The following TARBP1 variants were observed in gnomAD, a reference collection of about 807,000 sequenced individuals.
The protein encoded by TARBP1 is tRNA (guanosine(18)-2'-O)-methyltransferase TARBP1.
In TARBP1, 144 loss-of-function variants were observed where a neutral mutation model predicts 178.6. The observed-to-expected ratio is 0.81, with a 90% confidence interval of 0.70 to 0.93. TARBP1 has a LOEUF of 0.93. Among genes scored for constraint, TARBP1 ranks in the 40% least tolerant of loss-of-function variants. The pLI is 0.00. For synonymous variants in TARBP1, 787 were observed against 781.0 expected (o/e 1.01, Z -0.13); for missense variants, 2,067 against 2,011.7 (o/e 1.03, Z -0.53).
chr1:234,395,725 T>C (rs773522923), intron 26 of TARBP1, among the ~76,000 whole-genome samples: 9 of 152,152 alleles, frequency 5.9e-5, no homozygotes, highest in African/African-American at 1.9e-4. Context: ...GGGACATTAA[T>C]AAATGTGTTC....
At chr1:234,406,355 A>C (rs1661243090) in intron 23 of TARBP1, 2 of 470,846 alleles carry the variant, frequency 4.2e-6, no homozygotes, top group Non-Finnish European at 3.8e-6. Context: ...CCCGCCCCCC[A>C]TACTCTAGTA....
chr1:234,405,178 T>C (rs1661086015), intron 24 of TARBP1: 1 of 152,144 alleles, frequency 6.6e-6, no homozygotes, highest in Admixed American at 6.5e-5. Context: ...GAAAAATCTT[T>C]TATGTTGGTT....
chr1:234,422,543 A>C (rs1477716766), intron 20 of TARBP1, among the ~76,000 whole-genome samples: 1 of 152,142 alleles, frequency 6.6e-6, no homozygotes, highest in African/African-American at 2.4e-5. Context: ...AAAACAATTG[A>C]ACTCATGGAG....
chr1:234,433,110 C>A lies in TARBP1; in HGVS notation c.2394+300G>T, dbSNP rs943963422. Reference sequence around the variant, plus strand: ...AAAATTAGCCAGCCATGGTGGCACACACCTGTAATCCCAGCTACTCAGGAG... The same window carrying A: ...AAAATTAGCCAGCCATGGTGGCACAAACCTGTAATCCCAGCTACTCAGGAG... On this transcript the variant is annotated intron_variant, in intron 14 of 29. Coordinates refer to ENST00000040877, the MANE Select transcript of TARBP1 (RefSeq NM_005646.4). 3.0e-4 allele frequency among the ~76,000 whole-genome samples: 45 copies of A among 152,266 alleles called. 1 individual carries two copies. Among genetic ancestry groups the A allele is most frequent in the Middle Eastern group, 3.4e-3 (1 of 294 alleles).
In TARBP1 at chr1:234,405,921, T is replaced by C; in HGVS notation, c.3971A>G (p.Glu1324Gly). 1 of 1,614,080 alleles carries C rather than the reference T, an allele frequency of 6.2e-7. No individual in the cohort carries two copies. Among genetic ancestry groups the C allele is most frequent in the Non-Finnish European group, 8.5e-7 (1 of 1,179,970 alleles). Reference sequence around the variant, plus strand: ...TCCTTACCCTGCTCCGTGCATGCTTTCCACTTGATGGAGGCTGGATTCAAT... The same window carrying C: ...TCCTTACCCTGCTCCGTGCATGCTTCCCACTTGATGGAGGCTGGATTCAAT... ...PVIESSLHQV[E>G]SMHGAGNAKK... Residue 1324 changes from glutamate (E) to glycine (G), a missense_variant, in exon 24 of 30, where the codon GAA becomes GGA. By Grantham distance (98) the Glu-to-Gly change is moderately conservative. Coordinates refer to ENST00000040877, the MANE Select transcript of TARBP1 (RefSeq NM_005646.4).
chr1:234,462,834 C>A lies in TARBP1; in HGVS notation c.1399+1003G>T, dbSNP rs966615618. ...ATACAGACCATATTTTCCCTTTTTTCTGACGTTTGAATAGACATTACCATT... is the reference window on the plus strand; with the variant it reads ...ATACAGACCATATTTTCCCTTTTTTATGACGTTTGAATAGACATTACCATT... On this transcript the variant is annotated intron_variant, in intron 6 of 29. Coordinates refer to ENST00000040877, the MANE Select transcript of TARBP1 (RefSeq NM_005646.4). 2.0e-5 allele frequency among the ~76,000 whole-genome samples: 3 copies of A among 151,772 alleles called. No individual in the cohort carries two copies. In the East Asian group the frequency reaches 5.8e-4, roughly 29 times the overall value.
chr1:234,430,651 C>T (rs961463594), intron 14 of TARBP1, among the ~76,000 whole-genome samples: 1 of 152,118 alleles, frequency 6.6e-6, no homozygotes, highest in Non-Finnish European at 1.5e-5. Context: ...TTCTCCTACT[C>T]GCATACACAT....
chr1:234,401,842 C>CT (rs921568003), intron 24 of TARBP1, among the ~76,000 whole-genome samples: 2 of 152,158 alleles, frequency 1.3e-5, no homozygotes, highest in African/African-American at 2.4e-5. Flanking sequence ...AACCCTCTCA[C>CT]TATCAGCAGA....
chr1:234,478,373 G>A lies in TARBP1; in HGVS notation c.731C>T (p.Pro244Leu), dbSNP rs1669783332. ...CGCGCCGCGGGCGCGGTCGCCGCCG[G>A]GCTCGGGCAACAGCTTCTCGGCCAG... ...SALAEKLLPE[P>L]GGDRARGARE... The change falls in exon 1 of 30, where the codon CCC becomes CTC. Residue 244 changes from proline (P) to leucine (L), a missense_variant. Coordinates refer to ENST00000040877, the MANE Select transcript of TARBP1 (RefSeq NM_005646.4). 4 of 1,303,048 alleles carry A rather than the reference G, an allele frequency of 3.1e-6. No individual in the cohort carries two copies. Among genetic ancestry groups the A allele is most frequent in the Non-Finnish European group, 2.9e-6 (3 of 1,025,690 alleles). 80.7% of individuals were successfully genotyped at this position (1,303,048 alleles called of 1,614,324 possible).
rs1304071303 is a variant in TARBP1, at chr1:234,479,178, C to T, written c.-75G>A. On this transcript the variant is annotated 5_prime_UTR_variant, in exon 1 of 30. Coordinates refer to ENST00000040877, the MANE Select transcript of TARBP1 (RefSeq NM_005646.4). ...CGTGTGCGATGCGTGCGCACAGGACCGGCCGGCCCCTACGTGCGCGTGCGC... is the reference window on the plus strand; with the variant it reads ...CGTGTGCGATGCGTGCGCACAGGACTGGCCGGCCCCTACGTGCGCGTGCGC... The T allele has an allele frequency of 1.1e-5, 15 of 1,306,730 alleles. No individual in the cohort carries two copies. The highest frequency in any genetic ancestry group is 3.1e-5 in the African/African-American group (2 of 64,640). 80.9% of individuals were successfully genotyped at this position (1,306,730 alleles called of 1,614,324 possible).
At chr1:234,422,980 T>C (rs1376327246) in intron 20 of TARBP1, among the ~76,000 whole-genome samples, 1 of 152,130 alleles carries the variant, frequency 6.6e-6, no homozygotes. Flanking sequence ...TCACAAGGGC[T>C]CATTAAAACA....
At chr1:234,415,452 G>A (rs1320417374) in intron 22 of TARBP1, among the ~76,000 whole-genome samples, 2 of 152,206 alleles carry the variant, frequency 1.3e-5, no homozygotes, top group Non-Finnish European at 2.9e-5. Context: ...AGGAGGAAAA[G>A]GGTGTAGTGG....
At chr1:234,417,285 C>T (rs552473888) in intron 22 of TARBP1, among the ~76,000 whole-genome samples, 32 of 151,852 alleles carry the variant, frequency 2.1e-4, no homozygotes, top group Non-Finnish European at 2.9e-4. Context: ...ACAGAACAAG[C>T]GTGAAGAATT....
intron 22 of TARBP1, among the ~76,000 whole-genome samples, chr1:234,416,594 G>C (rs1045131063): frequency 6.6e-6 from 1 of 152,180 alleles, no homozygotes; most frequent in African/African-American, 2.4e-5. Flanking sequence ...GCCACTCCTG[G>C]CCAAAGCATT....
chr1:234,452,434 A>C (rs1666878565), intron 9 of TARBP1, among the ~76,000 whole-genome samples: 1 of 152,220 alleles, frequency 6.6e-6, no homozygotes, highest in Non-Finnish European at 1.5e-5. Context: ...ACCTCACCAA[A>C]GAAGACATAC....
intron 12 of TARBP1, among the ~76,000 whole-genome samples, chr1:234,437,962 C>G (rs1417128209): frequency 6.6e-6 from 1 of 152,220 alleles, no homozygotes; most frequent in Non-Finnish European, 1.5e-5. Flanking sequence ...TGCTAATCAG[C>G]ACACCACAGA....
At chr1:234,472,249 A>G (rs896126493) in intron 2 of TARBP1, among the ~76,000 whole-genome samples, 1 of 146,394 alleles carries the variant, frequency 6.8e-6, no homozygotes, top group Non-Finnish European at 1.5e-5. Flanking sequence ...GAATCACTTG[A>G]ACCCAGGAGG....
chr1:234,464,479 G>T (rs1668228845), intron 5 of TARBP1, among the ~76,000 whole-genome samples: 1 of 152,008 alleles, frequency 6.6e-6, no homozygotes, highest in Non-Finnish European at 1.5e-5. Flanking sequence ...AAAACTGAAG[G>T]CATTTCATAA....
At chr1:234,478,078 G>T in intron 1 of TARBP1, 95 bp downstream of exon 1, 1 of 1,250,778 alleles carries the variant, frequency 8.0e-7, no homozygotes, top group Non-Finnish European at 1.1e-6. Context: ...GGATCGGAGT[G>T]ACGACCCCGA....
Sources: allele counts gnomAD v4.1 joint callset (sites outside exome capture counted in the v4.1 genomes callset), GRCh38; gene constraint gnomAD v4.1.1; transcripts MANE v1.5; gene names NCBI Gene and HGNC (gene_info 2026-07-23, HGNC 2026-07-21).